Variants in CWC22 observed in about 807,000 individuals in gnomAD.
The protein encoded by CWC22 is CWC22 spliceosome associated protein.
CWC22 carries 53 observed loss-of-function variants against 117.2 expected under a neutral mutation model. The observed-to-expected ratio is 0.45, with a 90% CI of 0.36 to 0.57. The LOEUF (loss-of-function observed/expected upper bound fraction) is 0.57, where lower values mean the gene tolerates loss of function less well. CWC22 is among the 20% of genes least tolerant of loss of function. CWC22 has a pLI of 0.00. For missense variants in CWC22, 980 were observed against 1,068.8 expected (o/e 0.92, Z 1.16); for synonymous variants, 360 against 355.6 (o/e 1.01, Z -0.14).
chr2:179,994,535 G>A (rs770204889), intron 1 of CWC22, among the ~76,000 whole-genome samples: 9 of 152,164 alleles, frequency 5.9e-5, no homozygotes, highest in Non-Finnish European at 2.9e-5. Flanking sequence ...ACATTATAAA[G>A]TGATACAGAG....
chr2:179,952,633 T>A, intron 16 of CWC22, 35 bp from the exon 17 acceptor site: 1 of 1,252,762 alleles, frequency 8.0e-7, no homozygotes, highest in Non-Finnish European at 1.1e-6. Context: ...AAGTATATTT[T>A]AATTTATAAA....
intron 2 of CWC22, 118 bp downstream of exon 2, chr2:179,993,197 C>T (rs1687613946): frequency 1.3e-6 from 1 of 764,260 alleles, no homozygotes. Context: ...TTTGCACCAA[C>T]CTAAGTGCCA....
intron 13 of CWC22, among the ~76,000 whole-genome samples, chr2:179,961,356 C>A (rs1686745902): frequency 6.6e-6 from 1 of 151,896 alleles, no homozygotes; most frequent in Non-Finnish European, 1.5e-5. Context: ...TGCAGTTCAT[C>A]TATATTCCTC....
At chr2:179,989,301 AG>A (rs1687501775) in intron 2 of CWC22, among the ~76,000 whole-genome samples, 1 of 151,750 alleles carries the variant, frequency 6.6e-6, no homozygotes, top group Admixed American at 6.6e-5. Flanking sequence ...TCTGTTGCCC[AG>A]GCTGGAGTGC....
intron 11 of CWC22, among the ~76,000 whole-genome samples, chr2:179,967,729 A>G (rs1686928596): frequency 8.0e-6 from 1 of 124,234 alleles, no homozygotes; most frequent in Admixed American, 7.7e-5. Context: ...TCATATATAT[A>G]GCCCTTCTGT....
intron 4 of CWC22, among the ~76,000 whole-genome samples, chr2:179,983,518 G>A (rs1441393430): frequency 6.6e-6 from 1 of 152,096 alleles, no homozygotes; most frequent in Non-Finnish European, 1.5e-5. Flanking sequence ...TATCACTGAT[G>A]GGCATTTAGG....
At chr2:179,973,546 G>C in intron 7 of CWC22, 88 bp downstream of exon 7, 1 of 855,662 alleles carries the variant, frequency 1.2e-6, no homozygotes, top group Non-Finnish European at 1.8e-6. Flanking sequence ...ATGTAGCTGT[G>C]TCAAAATCAA....
In CWC22 at chr2:179,986,785, G is replaced by A. The variant is rs772950985; in HGVS notation, c.116C>T (p.Ser39Phe). 14 of 1,588,606 alleles carry A rather than the reference G, an allele frequency of 8.8e-6. No individual in the cohort carries two copies. Among genetic ancestry groups the A allele is most frequent in the African/African-American group, 5.4e-5 (4 of 73,708 alleles). ...ATCAAAGTAATCTCTATCCCGGGGG[G>A]ATCGTTCTTGTTCTTCATATCTAAC... Reference protein sequence around the residue: ...PEDRYEEQERSPRDRDYFDYS... With the variant: ...PEDRYEEQERFPRDRDYFDYS... The change falls in exon 4 of 20, where the codon TCC (serine) becomes TTC (phenylalanine). Residue 39 changes from serine to phenylalanine, a missense_variant. Ser to Phe is a radical substitution (Grantham distance 155). Coordinates refer to ENST00000410053, the MANE Select transcript of CWC22 (RefSeq NM_020943.3).
At chr2:179,949,467 G>A (rs9288045) in intron 19 of CWC22, among the ~76,000 whole-genome samples, 136,294 of 152,252 alleles carry the variant, frequency 0.9, 61,054 homozygotes, top group East Asian at 1. Flanking sequence ...AACTAAAACC[G>A]CCATGCAGTA....
At chr2:179,957,691 A>G (rs1288464382) in intron 14 of CWC22, among the ~76,000 whole-genome samples, 2 of 151,944 alleles carry the variant, frequency 1.3e-5, no homozygotes, top group South Asian at 2.1e-4. Context: ...TGAACAGCCC[A>G]TCAGAGCTGA....
intron 19 of CWC22, among the ~76,000 whole-genome samples, chr2:179,947,640 T>C (rs2105503757): frequency 6.6e-6 from 1 of 152,268 alleles, no homozygotes; most frequent in East Asian, 1.9e-4. Context: ...CTGTAGAATA[T>C]AAAAATGGTG....
intron 8 of CWC22, among the ~76,000 whole-genome samples, 170 bp from the exon 9 acceptor site, chr2:179,971,246 TC>T (rs1687024869): frequency 6.6e-6 from 1 of 152,160 alleles, no homozygotes; most frequent in Non-Finnish European, 1.5e-5. Context: ...ATACAATTTT[TC>T]TATCACTTTT....
intron 6 of CWC22, among the ~76,000 whole-genome samples, chr2:179,976,760 C>T (rs1204843814): frequency 1.3e-5 from 2 of 152,056 alleles, no homozygotes; most frequent in East Asian, 3.9e-4. Flanking sequence ...GCAAGTGTTG[C>T]CAAGGACATG....
intron 4 of CWC22, among the ~76,000 whole-genome samples, chr2:179,982,290 G>A (rs1687305340): frequency 6.6e-6 from 1 of 152,144 alleles, no homozygotes; most frequent in South Asian, 2.1e-4. Flanking sequence ...GGGTGTTAAG[G>A]TCAGAATGAG....
chr2:179,989,553 C>T (rs931575743), intron 2 of CWC22, among the ~76,000 whole-genome samples: 2 of 152,076 alleles, frequency 1.3e-5, no homozygotes, highest in Non-Finnish European at 2.9e-5. Flanking sequence ...TCTAGGGACT[C>T]GAACAACATT....
At position 179,972,376 on chromosome 2, in the gene CWC22, A is replaced by G. The variant is rs145775152; in HGVS notation, c.804+817T>C. Among the ~76,000 whole-genome samples the G allele has an allele frequency of 2.8e-4, 43 of 152,344 alleles. No homozygotes were observed. The East Asian group carries it at 7.9e-3, about 28-fold the overall frequency. On this transcript the variant is annotated intron_variant, in intron 8 of 19. Coordinates refer to ENST00000410053, the MANE Select transcript of CWC22 (RefSeq NM_020943.3). ...AAAACCATCAAATAATGAATATAAA[A>G]TAAACACAAACTGAATAACAGCATG... is the stretch of plus-strand genomic sequence containing the variant.
Position 179,981,959 on chromosome 2 carries a change from T to A in CWC22, c.245A>T (p.Asp82Val), listed in dbSNP as rs1305554160. Reference sequence around the variant, plus strand: ...TTTCCGAGACCTTTTCCGATCCGTATCTCTTTCTCTTTCTCTGCGTTTTTC... The same window carrying A: ...TTTCCGAGACCTTTTCCGATCCGTAACTCTTTCTCTTTCTCTGCGTTTTTC... ...DREKRRERER[D>V]TDRKRSRKSP... is the part of the protein sequence containing the mutation. Residue 82 changes from aspartate (D) to valine (V), a missense_variant, in exon 5 of 20, where the codon GAT (aspartate) becomes GTT (valine). By Grantham distance (152) the Asp-to-Val change is radical. This residue lies in a region of CWC22 where 559 missense variants were observed against 602.3 expected (regional missense o/e 0.93). Transcript: ENST00000410053. The A allele has an allele frequency of 6.4e-7, 1 of 1,553,052 alleles. No homozygotes were observed. The highest frequency in any genetic ancestry group is 8.7e-7 in the Non-Finnish European group (1 of 1,147,092).
intron 2 of CWC22, among the ~76,000 whole-genome samples, chr2:179,990,546 C>G (rs1281054264): frequency 1.4e-5 from 2 of 144,850 alleles, no homozygotes; most frequent in Non-Finnish European, 3.0e-5. Flanking sequence ...GTGAGACAGA[C>G]AGAGAGAGAG....
intron 19 of CWC22, among the ~76,000 whole-genome samples, chr2:179,946,379 A>T (rs1195143612): frequency 7.3e-6 from 1 of 137,618 alleles, no homozygotes; most frequent in African/African-American, 2.7e-5. Flanking sequence ...TGAGCCTGGG[A>T]GGCAGAGGTT....
Sources: allele counts gnomAD v4.1 joint callset (sites outside exome capture counted in the v4.1 genomes callset), GRCh38; gene constraint gnomAD v4.1.1; regional missense constraint gnomAD v4.1.1; transcripts MANE v1.5; gene names NCBI Gene and HGNC (gene_info 2026-07-23, HGNC 2026-07-21).